HYCC2: variants seen among roughly 807,000 people sequenced by gnomAD.
HYCC2 encodes the protein hyccin PI4KA lipid kinase complex subunit 2, also known as hyccin 2.
chr2:201,069,543 AACACACACACACACAC>A, the HYCC2 span, among the ~76,000 whole-genome samples: 3,677 of 143,722 alleles, frequency 0.026, 56 homozygotes, highest in Non-Finnish European at 0.03. Flanking sequence ...CATAAGAAGA[AACACACACACACACAC>A]ACACACACAC....
the HYCC2 span, chr2:200,987,513 G>A: frequency 9.3e-6 from 12 of 1,289,726 alleles, no homozygotes; most frequent in East Asian, 5.5e-5. Flanking sequence ...AGTCAGCCTC[G>A]TTTGAGAAGT....
chr2:201,006,150 C>T, the HYCC2 span, among the ~76,000 whole-genome samples: 3 of 133,816 alleles, frequency 2.2e-5, no homozygotes, highest in Admixed American at 1.6e-4. Context: ...TTTTTTGAGA[C>T]GGAGTCTTGC....
chr2:201,004,260 G>A, the HYCC2 span, among the ~76,000 whole-genome samples: 3 of 152,206 alleles, frequency 2.0e-5, no homozygotes, highest in African/African-American at 4.8e-5. Context: ...AATTTGAAGC[G>A]TGCATAAGTA....
At chr2:201,048,495 T>A in the HYCC2 span, among the ~76,000 whole-genome samples, 1 of 146,966 alleles carries the variant, frequency 6.8e-6, no homozygotes, top group African/African-American at 2.6e-5. Flanking sequence ...TTTTTTGCAA[T>A]TTTTTTTGCA....
At chr2:201,017,914 T>TA in the HYCC2 span, among the ~76,000 whole-genome samples, 1 of 152,144 alleles carries the variant, frequency 6.6e-6, no homozygotes, top group Non-Finnish European at 1.5e-5. Context: ...CATTCCATTT[T>TA]AAAAAAACTT....
At chr2:200,983,514 GTT>G in the HYCC2 span, among the ~76,000 whole-genome samples, 14 of 152,246 alleles carry the variant, frequency 9.2e-5, 1 homozygote, top group Admixed American at 2.0e-4. Flanking sequence ...ATATCCAGCA[GTT>G]TAATAATCTT....
At chr2:201,003,100 T>A in the HYCC2 span, among the ~76,000 whole-genome samples, 1 of 152,246 alleles carries the variant, frequency 6.6e-6, no homozygotes, top group South Asian at 2.1e-4. Context: ...TGGGTCTCGC[T>A]TTGTTGCCCA....
chr2:201,043,446 A>G, the HYCC2 span, among the ~76,000 whole-genome samples: 134 of 150,804 alleles, frequency 8.9e-4, no homozygotes, highest in East Asian at 2.7e-3. Context: ...AAAAAAAAAA[A>G]AAAGAAAGAA....
chr2:200,997,263 C>A, the HYCC2 span: 2 of 480,980 alleles, frequency 4.2e-6, no homozygotes, highest in East Asian at 3.6e-5. Flanking sequence ...TCATAAAAAA[C>A]CAAAACAACA....
chr2:201,034,338 T>C, the HYCC2 span, among the ~76,000 whole-genome samples: 1 of 152,246 alleles, frequency 6.6e-6, no homozygotes, highest in Non-Finnish European at 1.5e-5. Flanking sequence ...TCTTGTTGAA[T>C]TGATCCCTTT....
chr2:201,004,390 T>C, the HYCC2 span, among the ~76,000 whole-genome samples: 1 of 152,216 alleles, frequency 6.6e-6, no homozygotes, highest in Middle Eastern at 3.2e-3. Context: ...TGAGTGGACA[T>C]GGTGGTACTG....
chr2:201,035,563 C>G, the HYCC2 span, among the ~76,000 whole-genome samples: 1 of 152,242 alleles, frequency 6.6e-6, no homozygotes, highest in East Asian at 1.9e-4. Flanking sequence ...TCCTTTAGCT[C>G]GGAGTAGTCT....
At chr2:201,052,745 G>A in the HYCC2 span, among the ~76,000 whole-genome samples, 1 of 152,204 alleles carries the variant, frequency 6.6e-6, no homozygotes, top group Non-Finnish European at 1.5e-5. Context: ...GAAGAGAAAG[G>A]CAAGTGAAAC....
the HYCC2 span, among the ~76,000 whole-genome samples, chr2:201,052,962 T>C: frequency 2.6e-5 from 4 of 152,112 alleles, no homozygotes; most frequent in African/African-American, 9.7e-5. Context: ...CCAGAAAGAT[T>C]AGAGGTAGCA....
chr2:201,062,482 A>G, the HYCC2 span, among the ~76,000 whole-genome samples: 1 of 152,068 alleles, frequency 6.6e-6, no homozygotes, highest in Non-Finnish European at 1.5e-5. Flanking sequence ...CCCCGTCTTT[A>G]ATAAAAATAC....
chr2:200,974,141 TA>T, the HYCC2 span: 1 of 152,018 alleles, frequency 6.6e-6, no homozygotes, highest in East Asian at 1.9e-4. Context: ...CTATCCTATT[TA>T]AATTTTCACC....
chr2:200,982,339 T>C, the HYCC2 span, among the ~76,000 whole-genome samples: 1 of 152,034 alleles, frequency 6.6e-6, no homozygotes, highest in Non-Finnish European at 1.5e-5. Flanking sequence ...CAAAAACCCA[T>C]TTATGCTTAC....
At chr2:200,991,758 T>TAAA in the HYCC2 span, among the ~76,000 whole-genome samples, 95 of 150,070 alleles carry the variant, frequency 6.3e-4, no homozygotes, top group African/African-American at 2.2e-3. Context: ...AAATAAAAAA[T>TAAA]TTAAAAAAAC....
chr2:201,035,985 G>A, the HYCC2 span, among the ~76,000 whole-genome samples: 5 of 152,154 alleles, frequency 3.3e-5, no homozygotes, highest in African/African-American at 2.4e-5. Context: ...AGGAGTACCC[G>A]GCCGTGTGAG....
Sources: allele counts gnomAD v4.1 joint callset (sites outside exome capture counted in the v4.1 genomes callset), GRCh38; gene constraint gnomAD v4.1.1; transcripts MANE v1.5; gene names NCBI Gene and HGNC (gene_info 2026-07-23, HGNC 2026-07-21).